The following SLIT2 variants were observed in gnomAD, a reference collection of about 807,000 sequenced individuals.
The protein encoded by SLIT2 is slit guidance ligand 2.
In SLIT2, 41 loss-of-function variants were observed where a neutral mutation model predicts 185.7. That is an observed-to-expected ratio of 0.22 (90% CI 0.17 to 0.29). The LOEUF (loss-of-function observed/expected upper bound fraction) is 0.29, where lower values mean the gene tolerates loss of function less well. SLIT2 is among the 10% of genes least tolerant of loss of function. The pLI, the probability that SLIT2 is intolerant of heterozygous loss-of-function variation, is 1.00. For missense variants in SLIT2, 1,571 were observed against 1,909.0 expected (o/e 0.82, Z 3.30); for synonymous variants, 693 against 680.2 (o/e 1.02, Z -0.29).
chr4:20,373,301 A>G (rs907293039), intron 4 of SLIT2, among the ~76,000 whole-genome samples: 12 of 152,138 alleles, frequency 7.9e-5, no homozygotes, highest in Admixed American at 2.0e-4. Flanking sequence ...CCGCATTTCA[A>G]TTTACAATTA....
chr4:20,541,131 A>G (rs1042548737), intron 19 of SLIT2, among the ~76,000 whole-genome samples: 10 of 152,214 alleles, frequency 6.6e-5, no homozygotes, highest in African/African-American at 1.9e-4. Context: ...ACAAGTTTAA[A>G]TTATTTCTAA....
At chr4:20,366,088 G>A (rs1429523458) in intron 4 of SLIT2, among the ~76,000 whole-genome samples, 1 of 152,086 alleles carries the variant, frequency 6.6e-6, no homozygotes, top group Non-Finnish European at 1.5e-5. Flanking sequence ...GGAAGCAGAA[G>A]CTGAAATGAT....
chr4:20,617,417 C>T (rs769469398), intron 35 of SLIT2, 22 bp from the exon 36 acceptor site: 1 of 1,603,948 alleles, frequency 6.2e-7, no homozygotes, highest in South Asian at 1.1e-5. Context: ...CATTCCCACT[C>T]CTGTGTTCCT....
intron 4 of SLIT2, among the ~76,000 whole-genome samples, chr4:20,291,500 T>A (rs1459786257): frequency 1.4e-3 from 39 of 28,234 alleles, no homozygotes; most frequent in South Asian, 3.5e-3. Context: ...ATATTTTTTT[T>A]TTTTTTTTTT....
rs1302804796 is a variant in SLIT2, at chr4:20,472,270, A to C, written c.467+4447A>C. Among the ~76,000 whole-genome samples the C allele has an allele frequency of 1.7e-3, 61 of 35,502 alleles. 11 individuals are homozygous for C. The highest frequency in any genetic ancestry group is 9.6e-3 in the African/African-American group (52 of 5,416). 23.3% of individuals were successfully genotyped at this position (35,502 alleles called of 152,430 possible). A position where few individuals can be genotyped will look rare whatever the true frequency, so the allele number is the denominator to read the frequency against. On this transcript the variant is annotated intron_variant, in intron 5 of 36. Coordinates refer to ENST00000504154, the MANE Select transcript of SLIT2 (RefSeq NM_004787.4). ...TCTATATATAGATCTATATATAGATATATATCTATATATATAGATATATAG... is the reference window on the plus strand; with the variant it reads ...TCTATATATAGATCTATATATAGATCTATATCTATATATATAGATATATAG...
chr4:20,486,298 T>C (rs1717227707), intron 7 of SLIT2, 27 bp downstream of exon 7: 1 of 1,254,994 alleles, frequency 8.0e-7, no homozygotes, highest in Non-Finnish European at 1.2e-6. Flanking sequence ...TATGTAAAAG[T>C]CATATTAATC....
chr4:20,449,443 C>G (rs917294313), intron 4 of SLIT2, among the ~76,000 whole-genome samples: 2 of 152,172 alleles, frequency 1.3e-5, no homozygotes, highest in African/African-American at 4.8e-5. Flanking sequence ...GAGTCTCACT[C>G]TGTCGCATAG....
chr4:20,386,296 T>C (rs1724931830), intron 4 of SLIT2, among the ~76,000 whole-genome samples: 1 of 152,206 alleles, frequency 6.6e-6, no homozygotes, highest in South Asian at 2.1e-4. Flanking sequence ...TTCCCACAGG[T>C]ATTACTCTTC....
Position 20,253,637 on chromosome 4 carries a change from G to T in SLIT2, c.-179G>T, listed in dbSNP as rs114148723. ...CAGAGGAGGGTGGAGAGGGCGGTGG[G>T]AGGCGTGTGCCTGAGTGGGCTCTAC... On this transcript the variant is annotated 5_prime_UTR_variant, in exon 1 of 37. Coordinates refer to ENST00000504154, the MANE Select transcript of SLIT2 (RefSeq NM_004787.4). 0.023 allele frequency: 13,824 copies of T among 605,482 alleles called. 161 individuals carry two copies. The highest frequency in any genetic ancestry group is 0.03 in the Middle Eastern group (65 of 2,182). The allele number at this position is 605,482 out of a possible 1,614,324, so 37.5% of individuals were successfully genotyped here. A position where few individuals can be genotyped will look rare whatever the true frequency, so the allele number is the denominator to read the frequency against.
intron 4 of SLIT2, among the ~76,000 whole-genome samples, chr4:20,309,116 T>C (rs1717843447): frequency 6.6e-6 from 1 of 152,128 alleles, no homozygotes; most frequent in Admixed American, 6.6e-5. Flanking sequence ...GTTTTAGATA[T>C]GGTCAATTTA....
intron 21 of SLIT2, among the ~76,000 whole-genome samples, chr4:20,543,761 A>G (rs1315264097): frequency 1.3e-5 from 2 of 152,104 alleles, no homozygotes; most frequent in Non-Finnish European, 2.9e-5. Flanking sequence ...AACTTAGCAC[A>G]TGTGCTTAGA....
chr4:20,389,755 A>C (rs185365468), intron 4 of SLIT2, among the ~76,000 whole-genome samples: 1 of 152,216 alleles, frequency 6.6e-6, no homozygotes, highest in Admixed American at 6.5e-5. Flanking sequence ...TACAGATGAG[A>C]GTTTATTCTA....
intron 7 of SLIT2, among the ~76,000 whole-genome samples, chr4:20,486,883 A>G (rs1387275937): frequency 6.6e-6 from 1 of 152,120 alleles, no homozygotes. Context: ...AAGTTATAGA[A>G]TATCAGAGGT....
intron 4 of SLIT2, among the ~76,000 whole-genome samples, chr4:20,425,193 A>C (rs1397771742): frequency 2.0e-5 from 3 of 152,048 alleles, no homozygotes. Flanking sequence ...TTAATTAATG[A>C]CTTTGTATTT....
chr4:20,484,213 T>C lies in SLIT2; in HGVS notation c.540-1987T>C, dbSNP rs949590221. 1.3e-5 allele frequency among the ~76,000 whole-genome samples: 2 copies of C among 152,160 alleles called. No individual in the cohort carries two copies. Among genetic ancestry groups the C allele is most frequent in the Admixed American group, 6.6e-5 (1 of 15,248 alleles). On this transcript the variant is annotated intron_variant, in intron 6 of 36. Transcript: ENST00000504154. This position sits in a 1 kb window ranked among gnomAD's most constrained non-coding sequence, Gnocchi z 4.3. ...CCCAAAGTCATATTTCAGAATGCTA[T>C]ATACTATAAAGATTTTAGCCATATT...
chr4:20,372,543 A>G (rs1723677493), intron 4 of SLIT2, among the ~76,000 whole-genome samples: 1 of 151,942 alleles, frequency 6.6e-6, no homozygotes, highest in Non-Finnish European at 1.5e-5. Flanking sequence ...AATTGTCTTT[A>G]TAATTTATAT....
intron 4 of SLIT2, among the ~76,000 whole-genome samples, chr4:20,377,803 G>T (rs987248921): frequency 2.0e-5 from 3 of 152,072 alleles, no homozygotes; most frequent in Non-Finnish European, 4.4e-5. Flanking sequence ...CCTTAGTCCT[G>T]CCCATATCTA....
chr4:20,509,202 G>A (rs979938589), intron 9 of SLIT2, among the ~76,000 whole-genome samples: 6 of 150,758 alleles, frequency 4.0e-5, no homozygotes, highest in East Asian at 1.9e-4. Context: ...TTTCAAATCC[G>A]GGCGGGAAAG....
chr4:20,339,777 A>G (rs1177773097), intron 4 of SLIT2, among the ~76,000 whole-genome samples: 1 of 152,208 alleles, frequency 6.6e-6, no homozygotes, highest in Non-Finnish European at 1.5e-5. Context: ...TCTATCCTGA[A>G]GACCCCAAGT....
Sources: gnomAD v4.1 joint callset for allele counts (sites outside exome capture counted in the v4.1 genomes callset) on GRCh38, gnomAD v4.1.1 for gene constraint, Gnocchi (gnomAD v3.1) non-coding constraint, MANE v1.5 for transcripts, NCBI Gene and HGNC (gene_info 2026-07-23, HGNC 2026-07-21) for gene names.